ANO3: variants seen among roughly 807,000 people sequenced by gnomAD.
ANO3 encodes the protein anoctamin 3, also known as anoctamin-3.
Under a neutral mutation model 144.8 loss-of-function variants are expected in ANO3, and 99 were observed. That is an observed-to-expected ratio of 0.68 (90% confidence interval 0.58 to 0.81). The LOEUF (loss-of-function observed/expected upper bound fraction) is 0.81. ANO3 is among the 30% of genes least tolerant of loss of function. The pLI is 0.00. For synonymous variants in ANO3, 414 were observed against 392.6 expected (o/e 1.05, Z -0.64); for missense variants, 905 against 1,202.2 (o/e 0.75, Z 3.66).
chr11:26,500,793 C>A (rs1280335721), intron 4 of ANO3, among the ~76,000 whole-genome samples: 2 of 150,982 alleles, frequency 1.3e-5, no homozygotes, highest in Non-Finnish European at 1.5e-5. Context: ...AAAAAAAAAC[C>A]ACCAAAAAAA....
intron 1 of ANO3, among the ~76,000 whole-genome samples, chr11:26,239,298 C>A (rs968554135): frequency 6.6e-6 from 1 of 152,158 alleles, no homozygotes; most frequent in African/African-American, 2.4e-5. Flanking sequence ...CCCTTTTATG[C>A]TAATTAGAGA....
At chr11:26,628,572 T>C (rs1852668783) in intron 18 of ANO3, among the ~76,000 whole-genome samples, 1 of 152,224 alleles carries the variant, frequency 6.6e-6, no homozygotes, top group Non-Finnish European at 1.5e-5. Flanking sequence ...GGCACGGTGT[T>C]GAAAAATAAA....
chr11:26,367,479 C>T (rs1249733720), intron 1 of ANO3, among the ~76,000 whole-genome samples: 2 of 152,166 alleles, frequency 1.3e-5, no homozygotes, highest in Non-Finnish European at 2.9e-5. Context: ...TAATCACCCT[C>T]CGAGAAGTTC....
chr11:26,247,801 T>A (rs575801664), intron 1 of ANO3, among the ~76,000 whole-genome samples: 1 of 143,214 alleles, frequency 7.0e-6, no homozygotes, highest in East Asian at 2.3e-4. Context: ...AGATCTCGGC[T>A]CACTGCAACA....
At chr11:26,430,348 T>A (rs2134009262) in intron 1 of ANO3, among the ~76,000 whole-genome samples, 2 of 152,226 alleles carry the variant, frequency 1.3e-5, no homozygotes, top group Non-Finnish European at 2.9e-5. Context: ...ATATCAAATC[T>A]TATATCCTTG....
chr11:26,238,730 T>C (rs996100876), intron 1 of ANO3, among the ~76,000 whole-genome samples: 21 of 152,048 alleles, frequency 1.4e-4, no homozygotes, highest in African/African-American at 5.1e-4. Flanking sequence ...GATCGATGTG[T>C]ATGAAATAAA....
At chr11:26,311,549 C>T (rs1157844624) in intron 1 of ANO3, among the ~76,000 whole-genome samples, 1 of 152,190 alleles carries the variant, frequency 6.6e-6, no homozygotes, top group Non-Finnish European at 1.5e-5. Context: ...CATATACTCA[C>T]ATGATAGGTC....
At chr11:26,290,856 CA>C (rs1853940252) in intron 1 of ANO3, among the ~76,000 whole-genome samples, 1 of 152,070 alleles carries the variant, frequency 6.6e-6, no homozygotes, top group Non-Finnish European at 1.5e-5. Context: ...GGAATAAGTG[CA>C]ATGTGGTGCT....
At chr11:26,221,567 T>A (rs922332655) in intron 1 of ANO3, among the ~76,000 whole-genome samples, 2 of 152,208 alleles carry the variant, frequency 1.3e-5, no homozygotes, top group Admixed American at 6.5e-5. Flanking sequence ...GTTTTTTCAT[T>A]GCTATAAAGA....
chr11:26,393,760 C>T (rs1366879698), intron 1 of ANO3, among the ~76,000 whole-genome samples: 2 of 152,196 alleles, frequency 1.3e-5, no homozygotes, highest in East Asian at 3.9e-4. Flanking sequence ...TTTGATGTCA[C>T]ACAATAATAT....
At chr11:26,192,443 G>A (rs1265145982) in intron 1 of ANO3, among the ~76,000 whole-genome samples, 2 of 152,068 alleles carry the variant, frequency 1.3e-5, no homozygotes, top group Non-Finnish European at 2.9e-5. Context: ...CCTAGCAGGG[G>A]AAAATAAAAT....
chr11:26,242,027 A>G (rs1590211848), intron 1 of ANO3, among the ~76,000 whole-genome samples: 1 of 152,200 alleles, frequency 6.6e-6, no homozygotes, highest in Admixed American at 6.6e-5. Context: ...GTTTCAACAG[A>G]TGTATAGTTT....
chr11:26,198,655 C>A (rs1851634751), intron 1 of ANO3, among the ~76,000 whole-genome samples: 1 of 152,142 alleles, frequency 6.6e-6, no homozygotes, highest in African/African-American at 2.4e-5. Flanking sequence ...GCCATCCCTG[C>A]ATACATACCT....
At chr11:26,220,353 C>T (rs769823065) in intron 1 of ANO3, among the ~76,000 whole-genome samples, 5 of 152,184 alleles carry the variant, frequency 3.3e-5, no homozygotes, top group Non-Finnish European at 5.9e-5. Context: ...CCCAGGATCC[C>T]AGTGACCCAC....
intron 23 of ANO3, among the ~76,000 whole-genome samples, chr11:26,645,865 A>G (rs1417425159): frequency 6.6e-6 from 1 of 152,224 alleles, no homozygotes; most frequent in Admixed American, 6.5e-5. Context: ...CTAAAATTAA[A>G]TAAAAATAAT....
chr11:26,393,347 C>T (rs528439231), intron 1 of ANO3, among the ~76,000 whole-genome samples: 30 of 152,188 alleles, frequency 2.0e-4, no homozygotes, highest in Admixed American at 1.6e-3. Flanking sequence ...GAATCCTTTA[C>T]TTGCCATTTT....
intron 1 of ANO3, among the ~76,000 whole-genome samples, chr11:26,199,550 A>G (rs1851652782): frequency 6.6e-6 from 1 of 152,194 alleles, no homozygotes; most frequent in Admixed American, 6.5e-5. Flanking sequence ...GAGATATGTC[A>G]TATTTAACCA....
intron 15 of ANO3, 132 bp downstream of exon 15, chr11:26,598,579 A>G: frequency 1.5e-6 from 1 of 652,432 alleles, no homozygotes; most frequent in Non-Finnish European, 2.5e-6. Context: ...TACTAAAAAG[A>G]TTTATTATTT....
intron 3 of ANO3, among the ~76,000 whole-genome samples, chr11:26,452,627 G>T (rs1278615511): frequency 2.0e-5 from 3 of 152,202 alleles, no homozygotes; most frequent in African/African-American, 7.2e-5. Context: ...AAGTGACGGG[G>T]AGAATGGAAC....
Sources: allele counts gnomAD v4.1 joint callset (sites outside exome capture counted in the v4.1 genomes callset), GRCh38; gene constraint gnomAD v4.1.1; transcripts MANE v1.5; gene names NCBI Gene and HGNC (gene_info 2026-07-23, HGNC 2026-07-21).